HTR4: variants seen among roughly 807,000 people sequenced by gnomAD.
The protein encoded by HTR4 is 5-hydroxytryptamine (serotonin) receptor 4, G protein-coupled.
Under a neutral mutation model 36.8 loss-of-function variants are expected in HTR4, and 16 were observed. The observed-to-expected ratio is 0.43, with a 90% CI of 0.29 to 0.66. The LOEUF is 0.66. Ranked by LOEUF, HTR4 falls within the 30% of genes least tolerant of loss-of-function variation. The pLI is 0.13. For synonymous variants in HTR4, 189 were observed against 185.1 expected, an observed-to-expected ratio of 1.02 and a Z score of -0.17; for missense variants, 438 against 490.9, an observed-to-expected ratio of 0.89 and a Z score of 1.02.
chr5:148,451,948 C>A (rs540285213), intron 5 of HTR4, among the ~76,000 whole-genome samples: 6 of 152,170 alleles, frequency 3.9e-5, no homozygotes, highest in Non-Finnish European at 8.8e-5. Context: ...CATCTGGCAG[C>A]CATTCCTATG....
intron 5 of HTR4, among the ~76,000 whole-genome samples, chr5:148,460,678 G>A (rs1040059493): frequency 6.6e-6 from 1 of 152,030 alleles, no homozygotes; most frequent in Admixed American, 6.6e-5. Flanking sequence ...AAATAAATAG[G>A]CCAGATTCTC....
chr5:148,488,864 A>G (rs1170300954), intron 6 of HTR4, among the ~76,000 whole-genome samples: 1 of 152,176 alleles, frequency 6.6e-6, no homozygotes, highest in Non-Finnish European at 1.5e-5. Context: ...AGATATGTCC[A>G]TGTTTCAATA....
At chr5:148,476,546 C>A (rs2113709499), downstream of HTR4, 12 of 1,403,020 alleles carry the variant, frequency 8.6e-6, 1 homozygote, top group Middle Eastern at 2.7e-4. Context: ...AATGGCAGAG[C>A]AGCACTGAGA....
rs190321732 is a variant in HTR4, at chr5:148,635,678, A to G, written c.26+1311T>C. On this transcript the variant is annotated intron_variant, in intron 2 of 6. Coordinates refer to ENST00000377888, the MANE Select transcript of HTR4 (RefSeq NM_000870.7). ...AGTGTCTGAAATTTAAAACAATATT[A>G]TAATGTGTCACCATTGATATTGCTC... 6.6e-5 allele frequency among the ~76,000 whole-genome samples: 10 copies of G among 152,364 alleles called. No homozygotes were observed. In the East Asian group the frequency reaches 1.9e-3, roughly 29 times the overall value.
At chr5:148,568,233 T>G (rs923328092) in intron 2 of HTR4, among the ~76,000 whole-genome samples, 16 of 152,150 alleles carry the variant, frequency 1.1e-4, no homozygotes, top group Admixed American at 3.9e-4. Flanking sequence ...TGTTTCTATT[T>G]TAAAGTTTAG....
intron 2 of HTR4, among the ~76,000 whole-genome samples, chr5:148,566,893 A>AT (rs879581561): frequency 9.7e-4 from 142 of 146,400 alleles, no homozygotes; most frequent in African/African-American, 2.7e-3. Context: ...TTATTTCTTC[A>AT]TTTTTTTTTT....
At chr5:148,452,064 T>C (rs568857132) in intron 5 of HTR4, among the ~76,000 whole-genome samples, 1 of 152,240 alleles carries the variant, frequency 6.6e-6, no homozygotes, top group Admixed American at 6.5e-5. Flanking sequence ...CTATTTGGCA[T>C]CATATGTTGA....
chr5:148,484,517 C>T (rs1756058353), intron 6 of HTR4: 1 of 746,070 alleles, frequency 1.3e-6, no homozygotes, highest in African/African-American at 1.8e-5. Flanking sequence ...TATCTCCAGG[C>T]TTCCACCTAT....
chr5:148,501,999 G>T (rs549619755), intron 6 of HTR4, among the ~76,000 whole-genome samples: 8 of 151,826 alleles, frequency 5.3e-5, no homozygotes, highest in East Asian at 1.9e-4. Context: ...GGCAGAGCTT[G>T]CAGTGAGCCC....
Position 148,561,761 on chromosome 5 carries a change from G to T in HTR4, c.27-11499C>A, listed in dbSNP as rs930394725. ...CTCAAAATTATTCCTGTGATTATGA[G>T]AAATTCAGCACAGGGAAAAAATGTG... is the stretch of plus-strand genomic sequence containing the variant. On this transcript the variant is annotated intron_variant, in intron 2 of 6. Coordinates refer to ENST00000377888, the MANE Select transcript of HTR4 (RefSeq NM_000870.7). Among the ~76,000 whole-genome samples, 3 of 151,994 alleles carry T rather than the reference G, an allele frequency of 2.0e-5. No individual in the cohort carries two copies. In the East Asian group the frequency reaches 5.8e-4, roughly 29 times the overall value.
At chr5:148,526,477 T>C (rs1758282931) in intron 4 of HTR4, among the ~76,000 whole-genome samples, 1 of 152,144 alleles carries the variant, frequency 6.6e-6, no homozygotes, top group African/African-American at 2.4e-5. Flanking sequence ...TAGAATGAGG[T>C]GCCGAGATGT....
chr5:148,588,150 C>A (rs1474072835), intron 2 of HTR4, among the ~76,000 whole-genome samples: 17 of 152,166 alleles, frequency 1.1e-4, no homozygotes, highest in Admixed American at 1.1e-3. Context: ...CTGAGTCTCC[C>A]CTGCTGAACC....
intron 2 of HTR4, among the ~76,000 whole-genome samples, chr5:148,558,559 T>A (rs1760057155): frequency 1.3e-5 from 2 of 152,192 alleles, no homozygotes; most frequent in Non-Finnish European, 2.9e-5. Context: ...AGAAATATAG[T>A]GCTCCTATCT....
intron 2 of HTR4, among the ~76,000 whole-genome samples, chr5:148,625,029 G>A (rs1028487192): frequency 2.0e-5 from 3 of 152,148 alleles, no homozygotes; most frequent in Non-Finnish European, 4.4e-5. Flanking sequence ...AGCATAGAGG[G>A]GAGGTCAGGA....
At chr5:148,535,924 C>T (rs1362393798) in intron 4 of HTR4, among the ~76,000 whole-genome samples, 1 of 151,996 alleles carries the variant, frequency 6.6e-6, no homozygotes, top group Non-Finnish European at 1.5e-5. Context: ...ATCCCCAAGA[C>T]ACATAATCAT....
chr5:148,598,513 C>T (rs1761866831), intron 2 of HTR4, among the ~76,000 whole-genome samples: 1 of 151,912 alleles, frequency 6.6e-6, no homozygotes, highest in Non-Finnish European at 1.5e-5. Context: ...GATCTTACCA[C>T]TGCACTCCAG....
chr5:148,653,995 C>T (rs974773369), intron 1 of HTR4, 67 bp downstream of exon 1: 3 of 938,540 alleles, frequency 3.2e-6, no homozygotes, highest in Non-Finnish European at 2.5e-6. Context: ...GCCCCGCCCC[C>T]GCCGCGTCCC....
chr5:148,525,289 T>C (rs990580631), intron 4 of HTR4, among the ~76,000 whole-genome samples: 3 of 152,164 alleles, frequency 2.0e-5, no homozygotes, highest in South Asian at 4.1e-4. Context: ...ATTATTAACA[T>C]AGAATTAATG....
intron 6 of HTR4, among the ~76,000 whole-genome samples, chr5:148,497,781 T>C (rs542551738): frequency 2.0e-5 from 3 of 152,352 alleles, no homozygotes; most frequent in East Asian, 3.9e-4. Flanking sequence ...ATGAACCTCT[T>C]AGAATTCCAC....
Sources: gnomAD v4.1 joint callset for allele counts (sites outside exome capture counted in the v4.1 genomes callset) on GRCh38, gnomAD v4.1.1 for gene constraint, MANE v1.5 for transcripts, NCBI Gene and HGNC (gene_info 2026-07-23, HGNC 2026-07-21) for gene names.